NUMB: variants seen among roughly 807,000 people sequenced by gnomAD.
NUMB encodes the protein protein numb homolog.
A neutral mutation model predicts 59.7 loss-of-function variants in NUMB; 29 were observed. The observed-to-expected ratio is 0.49, with a 90% CI of 0.36 to 0.66. The LOEUF is 0.66. NUMB is among the 30% of genes least tolerant of loss of function. The pLI is 0.00. For synonymous variants in NUMB, 288 were observed against 288.2 expected, an observed-to-expected ratio of 1.00 and a Z score of 0.01; for missense variants, 723 against 822.0, an observed-to-expected ratio of 0.88 and a Z score of 1.47.
At chr14:73,310,395 A>C (rs1890715388) in intron 6 of NUMB, among the ~76,000 whole-genome samples, 1 of 152,194 alleles carries the variant, frequency 6.6e-6, no homozygotes. Context: ...CAAATTTATA[A>C]ACTGTGTGCA....
intron 4 of NUMB, among the ~76,000 whole-genome samples, chr14:73,353,477 G>A (rs2140014423): frequency 6.6e-6 from 1 of 151,182 alleles, no homozygotes; most frequent in South Asian, 2.1e-4. Context: ...GACCACTTAT[G>A]CCAATATTAT....
At chr14:73,456,301 G>A (rs1420524985) in intron 1 of NUMB, among the ~76,000 whole-genome samples, 5 of 151,850 alleles carry the variant, frequency 3.3e-5, no homozygotes, top group Non-Finnish European at 5.9e-5. Context: ...TAAAGATGGG[G>A]GTCTCACCAT....
At chr14:73,356,357 T>C (rs1461817225) in intron 3 of NUMB, among the ~76,000 whole-genome samples, 1 of 152,186 alleles carries the variant, frequency 6.6e-6, no homozygotes. Context: ...TTAAACACAC[T>C]TAAAGCCAGG....
chr14:73,454,131 T>C (rs1595058034), intron 1 of NUMB, among the ~76,000 whole-genome samples: 1 of 151,976 alleles, frequency 6.6e-6, no homozygotes, highest in Non-Finnish European at 1.5e-5. Flanking sequence ...GGACCAATCA[T>C]ACCTCAAACC....
rs148939300 is a variant in NUMB, at chr14:73,451,296, G to A, written c.-233+7197C>T. Among the ~76,000 whole-genome samples, 1,030 of 151,976 alleles carry A rather than the reference G, an allele frequency of 6.8e-3. 4 individuals are homozygous for A. The highest frequency in any genetic ancestry group is 0.029 in the South Asian group (140 of 4,804). ...ACTAAAAATACAAAAAACTAGCCAG[G>A]TGTGGTGGCGTGTGCCTGTAGTCCC... On this transcript the variant is annotated intron_variant, in intron 1 of 12. Transcript: ENST00000555238.
Position 73,279,282 on chromosome 14 carries a change from C to T in NUMB, c.1239G>A (p.Ser413=), listed in dbSNP as rs201268301. 52 of 1,614,120 alleles carry T rather than the reference C, an allele frequency of 3.2e-5. No homozygotes were observed. The East Asian group carries it at 8.0e-4, about 25-fold the overall frequency. ...CAACACCATCTGTGGCCACCTTACC[C>T]GAACATGTGGCTGCAATTTCCTTGT... ...AANKEIAATC[S]GTEWGQSSGA... Residue 413 remains serine, a splice_region_variant and synonymous_variant, in exon 12 of 13, where the codon TCG becomes TCA. Transcript: ENST00000555238.
rs749623080 is a variant in NUMB at position 73,287,153 on chromosome 14, T to G, written c.612A>C (p.Ala204=). 4 of 1,614,042 alleles carry G rather than the reference T, an allele frequency of 2.5e-6. No homozygotes were observed. In the Admixed American group the frequency reaches 6.7e-5, roughly 27 times the overall value. Residue 204 remains alanine (A), a synonymous_variant, in exon 9 of 13, where the codon GCA becomes GCC. Transcript: ENST00000555238. ...SFRVTTATEQ[A]EREEIMKQMQ... ...TTTGTTTCATGATCTCCTCTCTTTC[T>G]GCTTGTTCAGTGGCTGTTGTGACAC...
intron 3 of NUMB, among the ~76,000 whole-genome samples, chr14:73,358,105 C>T (rs1893907428): frequency 6.6e-6 from 1 of 152,026 alleles, no homozygotes; most frequent in African/African-American, 2.4e-5. Flanking sequence ...ATCCCTCTCC[C>T]CAACTATTCC....
At chr14:73,437,872 A>G (rs2140181010) in intron 1 of NUMB, among the ~76,000 whole-genome samples, 2 of 151,572 alleles carry the variant, frequency 1.3e-5, no homozygotes, top group East Asian at 3.8e-4. Context: ...GGGATCACCC[A>G]AAAGAAAAAT....
At chr14:73,309,300 A>G (rs1440182634) in intron 6 of NUMB, among the ~76,000 whole-genome samples, 1 of 152,226 alleles carries the variant, frequency 6.6e-6, no homozygotes, top group Admixed American at 6.5e-5. Context: ...TATTCACAAT[A>G]GCAAAGACTT....
At chr14:73,441,567 A>G (rs1447584131) in intron 1 of NUMB, among the ~76,000 whole-genome samples, 1 of 151,994 alleles carries the variant, frequency 6.6e-6, no homozygotes, top group Non-Finnish European at 1.5e-5. Context: ...TATACTCACT[A>G]GAATAGCTCT....
intron 1 of NUMB, among the ~76,000 whole-genome samples, chr14:73,451,178 A>AAC (rs1883939118): frequency 6.8e-6 from 1 of 147,380 alleles, no homozygotes; most frequent in African/African-American, 2.5e-5. Context: ...AAAAAAACAA[A>AAC]AAACAAATCT....
intron 8 of NUMB, among the ~76,000 whole-genome samples, chr14:73,288,499 T>A (rs1369112985): frequency 1.3e-5 from 2 of 151,982 alleles, no homozygotes; most frequent in East Asian, 3.9e-4. Context: ...TGCTGTGAGC[T>A]GAGATGGCGC....
chr14:73,384,465 G>C (rs1018119918), intron 2 of NUMB, among the ~76,000 whole-genome samples: 2 of 152,122 alleles, frequency 1.3e-5, no homozygotes, highest in Admixed American at 6.5e-5. Flanking sequence ...TAAAAGAAAA[G>C]TGCAGTCTAT....
intron 4 of NUMB, among the ~76,000 whole-genome samples, chr14:73,330,900 T>C (rs963882206): frequency 2.0e-5 from 3 of 152,062 alleles, no homozygotes; most frequent in Non-Finnish European, 4.4e-5. Flanking sequence ...GGGATACCAA[T>C]AGTGTGGTTC....
intron 6 of NUMB, among the ~76,000 whole-genome samples, chr14:73,309,392 T>TA (rs34735255): frequency 1.3e-5 from 2 of 151,940 alleles, no homozygotes; most frequent in African/African-American, 2.4e-5. Context: ...TATGCAGCCG[T>TA]AAAAAAGAAT....
At chr14:73,356,704 AT>A (rs533921742) in intron 3 of NUMB, among the ~76,000 whole-genome samples, 16 of 151,832 alleles carry the variant, frequency 1.1e-4, no homozygotes, top group Non-Finnish European at 2.2e-4. Flanking sequence ...GAGAAAAAAC[AT>A]TTTTTTTCAG....
intron 6 of NUMB, 117 bp from the exon 7 acceptor site, chr14:73,297,402 T>C: frequency 1.5e-6 from 1 of 689,498 alleles, no homozygotes; most frequent in Non-Finnish European, 2.5e-6. Flanking sequence ...ACAGATGGAG[T>C]CCAAGTTCAG....
intron 1 of NUMB, among the ~76,000 whole-genome samples, chr14:73,438,683 C>T (rs1366022264): frequency 8.1e-6 from 1 of 122,842 alleles, no homozygotes; most frequent in Non-Finnish European, 1.8e-5. Context: ...AAATAATAAA[C>T]ACATATTATA....
Sources: gnomAD v4.1 joint callset for allele counts (sites outside exome capture counted in the v4.1 genomes callset) on GRCh38, gnomAD v4.1.1 for gene constraint, MANE v1.5 for transcripts, NCBI Gene and HGNC (gene_info 2026-07-23, HGNC 2026-07-21) for gene names.